Variants in ZFAT observed in about 807,000 individuals in gnomAD.
The protein encoded by ZFAT is zinc finger and AT-hook domain containing.
In ZFAT, 64 loss-of-function variants were observed where a neutral mutation model predicts 117.7. That is an observed-to-expected ratio of 0.54 (90% CI 0.44 to 0.67). ZFAT has a LOEUF of 0.67. Among genes scored for constraint, ZFAT ranks in the 30% least tolerant of loss-of-function variants. The pLI is 0.00. For missense variants in ZFAT, 1,433 were observed against 1,584.5 expected (o/e 0.90, Z 1.62); for synonymous variants, 679 against 615.0 (o/e 1.10, Z -1.54).
chr8:134,753,264 G>T, the ZFAT span, among the ~76,000 whole-genome samples: 1 of 138,660 alleles, frequency 7.2e-6, no homozygotes, highest in Middle Eastern at 3.6e-3. Context: ...TATCTATTTT[G>T]GGGGGGCAGA....
intron 3 of ZFAT, among the ~76,000 whole-genome samples, chr8:134,626,890 C>T (rs1214027752): frequency 2.6e-5 from 4 of 152,230 alleles, no homozygotes; most frequent in Non-Finnish European, 5.9e-5. Flanking sequence ...TACACAGGTA[C>T]TTTCACCAGG....
At chr8:134,747,717 T>C in the ZFAT span, among the ~76,000 whole-genome samples, 1 of 152,242 alleles carries the variant, frequency 6.6e-6, no homozygotes, top group East Asian at 1.9e-4. Flanking sequence ...CCACTTGTTT[T>C]TCTTTGTTCT....
chr8:134,623,986 C>T (rs1269990342), intron 3 of ZFAT, among the ~76,000 whole-genome samples: 1 of 152,122 alleles, frequency 6.6e-6, no homozygotes, highest in Non-Finnish European at 1.5e-5. Flanking sequence ...GTCATTTCTG[C>T]CCAGCCCACT....
intron 1 of ZFAT, among the ~76,000 whole-genome samples, chr8:134,664,002 A>T (rs1832073241): frequency 6.6e-6 from 1 of 152,204 alleles, no homozygotes; most frequent in South Asian, 2.1e-4. Flanking sequence ...GAAAGGGGAA[A>T]GCCTTGGCTG....
the ZFAT span, among the ~76,000 whole-genome samples, chr8:134,750,246 C>T: frequency 6.6e-5 from 10 of 151,574 alleles, no homozygotes; most frequent in Admixed American, 2.0e-4. Flanking sequence ...AATTATATTA[C>T]GATTGGTATC....
intron 2 of ZFAT, among the ~76,000 whole-genome samples, chr8:134,654,061 C>T (rs1177371953): frequency 1.3e-5 from 2 of 152,140 alleles, no homozygotes; most frequent in African/African-American, 4.8e-5. Flanking sequence ...CTTTGGGAGG[C>T]TGAGGCAAGT....
the ZFAT span, among the ~76,000 whole-genome samples, chr8:134,726,904 G>A: frequency 1.3e-5 from 2 of 152,174 alleles, no homozygotes; most frequent in Non-Finnish European, 1.5e-5. Context: ...CACAGGGCTG[G>A]GTATTTTCTA....
At chr8:134,657,829 T>A in intron 1 of ZFAT, 92 bp from the exon 2 acceptor site, 1 of 1,370,082 alleles carries the variant, frequency 7.3e-7, no homozygotes, top group African/African-American at 1.4e-5. Context: ...AAGCTGCCCT[T>A]CTGAGCCATC....
the ZFAT span, among the ~76,000 whole-genome samples, chr8:134,745,989 C>T: frequency 1.3e-5 from 2 of 152,210 alleles, no homozygotes; most frequent in African/African-American, 2.4e-5. Flanking sequence ...GCCCCTTTGC[C>T]TGTGCTCTTC....
chr8:134,557,197 A>G (rs1187407835), intron 11 of ZFAT, among the ~76,000 whole-genome samples: 1 of 152,256 alleles, frequency 6.6e-6, no homozygotes, highest in African/African-American at 2.4e-5. Flanking sequence ...TACAGCAACC[A>G]CTAAAACAAG....
At chr8:134,697,586 G>A (rs1462660420) in intron 1 of ZFAT, among the ~76,000 whole-genome samples, 23 of 151,110 alleles carry the variant, frequency 1.5e-4, no homozygotes, top group Admixed American at 1.4e-3. Flanking sequence ...AATTAGCCGG[G>A]CGTGGTAGCG....
In ZFAT at chr8:134,657,748, A is replaced by C; in HGVS notation, c.20-11T>G. 1 of 1,607,710 alleles carries C rather than the reference A, an allele frequency of 6.2e-7. No homozygotes were observed. ...AGATGGCCGTGTTTTCTGTAAGGAA[A>C]AAAAAGGAAAATATGTTATTTCATC... On this transcript the variant is annotated splice_polypyrimidine_tract_variant and intron_variant, in intron 1 of 15. Transcript: ENST00000377838.
intron 2 of ZFAT, among the ~76,000 whole-genome samples, chr8:134,643,455 A>G (rs1408183318): frequency 3.3e-5 from 5 of 152,242 alleles, no homozygotes; most frequent in Non-Finnish European, 7.3e-5. Flanking sequence ...TGTAAGGTAC[A>G]GGAGGGTACA....
chr8:134,830,465 G>A, the ZFAT span, among the ~76,000 whole-genome samples: 4 of 152,268 alleles, frequency 2.6e-5, no homozygotes, highest in South Asian at 8.3e-4. Context: ...CCTCTGTTGA[G>A]GAAACTTTTT....
intron 11 of ZFAT, among the ~76,000 whole-genome samples, chr8:134,540,330 G>T (rs1822160975): frequency 6.6e-6 from 1 of 152,138 alleles, no homozygotes; most frequent in Non-Finnish European, 1.5e-5. Context: ...CTCAGGACTG[G>T]CTGGTTTTAC....
intron 1 of ZFAT, among the ~76,000 whole-genome samples, chr8:134,700,246 G>T (rs1833973784): frequency 6.6e-6 from 1 of 152,214 alleles, no homozygotes; most frequent in South Asian, 2.1e-4. Context: ...TCACATTGTT[G>T]GTCTAAAATG....
intron 15 of ZFAT, among the ~76,000 whole-genome samples, chr8:134,498,007 G>T: frequency 1.9e-5 from 2 of 104,266 alleles, no homozygotes; most frequent in Admixed American, 1.1e-4. Context: ...TTACACACAG[G>T]GCCTGATTTG....
intron 11 of ZFAT, among the ~76,000 whole-genome samples, chr8:134,554,055 C>T (rs1404278149): frequency 1.3e-5 from 2 of 152,206 alleles, no homozygotes; most frequent in African/African-American, 2.4e-5. Flanking sequence ...TTGATAATAC[C>T]CTTGCATGAC....
intron 10 of ZFAT, among the ~76,000 whole-genome samples, chr8:134,583,565 C>G (rs1255456999): frequency 1.3e-5 from 2 of 152,120 alleles, no homozygotes; most frequent in African/African-American, 4.8e-5. Context: ...AAGACACCTC[C>G]TTTCCTGAAG....
Sources: allele counts gnomAD v4.1 joint callset (sites outside exome capture counted in the v4.1 genomes callset), GRCh38; gene constraint gnomAD v4.1.1; transcripts MANE v1.5; gene names NCBI Gene and HGNC (gene_info 2026-07-23, HGNC 2026-07-21).